The following TRAPPC9 variants were observed in gnomAD, a reference collection of about 807,000 sequenced individuals.
TRAPPC9 encodes the protein trafficking protein particle complex subunit 9.
In TRAPPC9, 83 loss-of-function variants were observed where a neutral mutation model predicts 124.0. That is an observed-to-expected ratio of 0.67 (90% CI 0.56 to 0.80). The LOEUF is 0.80. Among genes scored for constraint, TRAPPC9 ranks in the 30% least tolerant of loss-of-function variants. TRAPPC9 has a pLI of 0.00. For synonymous variants in TRAPPC9, 638 were observed against 617.5 expected, an observed-to-expected ratio of 1.03 and a Z score of -0.49; for missense variants, 1,302 against 1,508.3, an observed-to-expected ratio of 0.86 and a Z score of 2.27.
rs77838100 is a variant in TRAPPC9 at position 140,366,322 on chromosome 8, C to T, written c.1351+4642G>A. 1.3e-3 allele frequency among the ~76,000 whole-genome samples: 198 copies of T among 152,142 alleles called. 2 individuals are homozygous for T. Among genetic ancestry groups the T allele is most frequent in the African/African-American group, 4.5e-3 (187 of 41,494 alleles). ...TAATAAATAAAAATATCCCTAATCT[C>T]GAGGCTTACTATAAAACTATAGTAC... On this transcript the variant is annotated intron_variant, in intron 8 of 22. Transcript: ENST00000438773.
At chr8:140,399,752 G>A (rs1351360153) in intron 6 of TRAPPC9, among the ~76,000 whole-genome samples, 4 of 152,162 alleles carry the variant, frequency 2.6e-5, no homozygotes, top group Non-Finnish European at 4.4e-5. Flanking sequence ...GCTGAAATGA[G>A]TTAAAACTTT....
intron 19 of TRAPPC9, among the ~76,000 whole-genome samples, chr8:139,980,104 T>A (rs1458964100): frequency 2.6e-5 from 4 of 151,958 alleles, no homozygotes; most frequent in Admixed American, 2.0e-4. Flanking sequence ...CCTTCTCAAA[T>A]GGCTGTGGCA....
chr8:139,731,894 G>T, intron 22 of TRAPPC9, 85 bp downstream of exon 22: 1 of 1,287,188 alleles, frequency 7.8e-7, no homozygotes, highest in Non-Finnish European at 1.1e-6. Flanking sequence ...GACATATGCT[G>T]ACCCCAAAGC....
In TRAPPC9 at chr8:140,371,052, C is replaced by T. The variant is rs113690180; in HGVS notation, c.1263G>A (p.Ala421=). ...AAMQCVAPSI[A]EPGWRACYKL... is the part of the protein sequence containing the mutation. ...TGTAGCAGGCCCTCCACCCAGGCTC[C>T]GCGATGCTTGGGGCCACGCACTGCA... The change falls in exon 8 of 23, where the codon GCG becomes GCA. Residue 421 remains alanine (A), a synonymous_variant. Transcript: ENST00000438773. The T allele has an allele frequency of 5.6e-5, 90 of 1,614,240 alleles. 1 individual carries two copies. The Admixed American group carries it at 1.0e-3, about 19-fold the overall frequency.
intron 21 of TRAPPC9, among the ~76,000 whole-genome samples, chr8:139,857,129 G>A (rs916049928): frequency 6.6e-6 from 1 of 152,186 alleles, no homozygotes; most frequent in Admixed American, 6.5e-5. Flanking sequence ...ATGTGTGAAG[G>A]CAGGGGAGTG....
At chr8:139,875,401 G>C (rs986295707) in intron 21 of TRAPPC9, among the ~76,000 whole-genome samples, 4 of 152,238 alleles carry the variant, frequency 2.6e-5, no homozygotes, top group Non-Finnish European at 5.9e-5. Context: ...AACACTGGGG[G>C]CCTGTGAACA....
chr8:140,147,554 A>G (rs377192168), intron 17 of TRAPPC9, among the ~76,000 whole-genome samples: 2 of 152,238 alleles, frequency 1.3e-5, no homozygotes, highest in African/African-American at 4.8e-5. Flanking sequence ...TTATACATGG[A>G]TAACTTCAGC....
chr8:140,096,616 G>A (rs1844970645), intron 17 of TRAPPC9: 1 of 152,200 alleles, frequency 6.6e-6, no homozygotes, highest in South Asian at 2.1e-4. Context: ...CAACGTATCT[G>A]GCTTAAGCAA....
intron 18 of TRAPPC9, among the ~76,000 whole-genome samples, chr8:139,992,636 G>T (rs540381841): frequency 6.7e-6 from 1 of 149,374 alleles, no homozygotes; most frequent in Non-Finnish European, 1.5e-5. Flanking sequence ...AGGTTTTTTG[G>T]AAGGAATCTG....
chr8:139,858,043 C>T (rs879936754), intron 21 of TRAPPC9, among the ~76,000 whole-genome samples: 20 of 152,152 alleles, frequency 1.3e-4, no homozygotes, highest in African/African-American at 3.6e-4. Flanking sequence ...AAAGGCTACT[C>T]GAAGGAACCT....
chr8:139,733,251 G>C (rs996895400), intron 21 of TRAPPC9, among the ~76,000 whole-genome samples: 38 of 152,090 alleles, frequency 2.5e-4, no homozygotes, highest in Non-Finnish European at 4.3e-4. Context: ...TAGAGGATAC[G>C]GGCAGGAGCC....
intron 17 of TRAPPC9, among the ~76,000 whole-genome samples, chr8:140,072,348 C>T (rs761985967): frequency 1.1e-4 from 16 of 152,048 alleles, no homozygotes; most frequent in Admixed American, 5.2e-4. Flanking sequence ...CTGGCTAACA[C>T]GGTGAAACCC....
intron 17 of TRAPPC9, among the ~76,000 whole-genome samples, chr8:140,053,194 T>C (rs558997847): frequency 3.3e-5 from 5 of 152,328 alleles, no homozygotes; most frequent in Non-Finnish European, 7.4e-5. Context: ...GAACATTTAC[T>C]TAGTCTCAAA....
chr8:139,822,534 C>T (rs1825318921), intron 21 of TRAPPC9, among the ~76,000 whole-genome samples: 2 of 152,154 alleles, frequency 1.3e-5, no homozygotes, highest in Admixed American at 1.3e-4. Context: ...TTGAAAAGAG[C>T]ACACCCAGGG....
chr8:140,438,900 C>T (rs1588356740), intron 3 of TRAPPC9, 152 bp downstream of exon 3: 1 of 897,444 alleles, frequency 1.1e-6, no homozygotes, highest in East Asian at 2.6e-5. Context: ...CCATGTTGGC[C>T]AGGATGGTCT....
chr8:139,930,161 A>G (rs758771975), intron 19 of TRAPPC9, among the ~76,000 whole-genome samples: 14 of 152,220 alleles, frequency 9.2e-5, no homozygotes, highest in Non-Finnish European at 1.6e-4. Flanking sequence ...CTAAGAGGTG[A>G]CAGCCAAGGG....
chr8:139,729,873 C>T lies in TRAPPC9; in HGVS notation c.*1188G>A, dbSNP rs1224378074. Among the ~76,000 whole-genome samples, 1 of 152,168 alleles carries T rather than the reference C, an allele frequency of 6.6e-6. No homozygotes were observed. The highest frequency in any genetic ancestry group is 2.1e-4 in the South Asian group (1 of 4,834). ...ACTCCATGGGAGTTTCAGTGCCCAA[C>T]GGGCACCTGACGAGCCTGGTATCTG... On this transcript the variant is annotated 3_prime_UTR_variant, in exon 23 of 23. Transcript: ENST00000438773.
intron 17 of TRAPPC9, among the ~76,000 whole-genome samples, chr8:140,206,916 A>C (rs1190954838): frequency 1.3e-5 from 2 of 152,096 alleles, no homozygotes; most frequent in Non-Finnish European, 2.9e-5. Flanking sequence ...TCTGTCGAGC[A>C]CCCGTCATGT....
At chr8:140,005,718 T>C (rs978117275) in intron 18 of TRAPPC9, among the ~76,000 whole-genome samples, 3 of 151,956 alleles carry the variant, frequency 2.0e-5, no homozygotes, top group Non-Finnish European at 4.4e-5. Context: ...GACCTACAGA[T>C]GATGGGACTC....
Sources: gnomAD v4.1 joint callset for allele counts (sites outside exome capture counted in the v4.1 genomes callset) on GRCh38, gnomAD v4.1.1 for gene constraint, MANE v1.5 for transcripts, NCBI Gene and HGNC (gene_info 2026-07-23, HGNC 2026-07-21) for gene names.